The following NRG1 variants were observed in gnomAD, a reference collection of about 807,000 sequenced individuals.
The protein encoded by NRG1 is pro-neuregulin-1, membrane-bound isoform.
Under a neutral mutation model 63.8 loss-of-function variants are expected in NRG1, and 18 were observed. The observed-to-expected ratio is 0.28, with a 90% CI of 0.19 to 0.42. The LOEUF is 0.42. NRG1 is among the 10% of genes least tolerant of loss of function. The pLI is 1.00. For missense variants in NRG1, 762 were observed against 814.7 expected, an observed-to-expected ratio of 0.94 and a Z score of 0.79; for synonymous variants, 302 against 301.3, an observed-to-expected ratio of 1.00 and a Z score of -0.02.
At chr8:32,137,233 G>A (rs1201709730) in intron 1 of NRG1, among the ~76,000 whole-genome samples, 1 of 152,100 alleles carries the variant, frequency 6.6e-6, no homozygotes, top group Non-Finnish European at 1.5e-5. Flanking sequence ...ATCATTTGAG[G>A]TCACGAGTTC....
chr8:31,967,660 G>T (rs182888298), intron 1 of NRG1, among the ~76,000 whole-genome samples: 2 of 152,318 alleles, frequency 1.3e-5, no homozygotes, highest in Admixed American at 1.3e-4. Flanking sequence ...GAACCAGGCA[G>T]CAGTTCTGTG....
chr8:31,854,210 T>C (rs1207235384), intron 1 of NRG1, among the ~76,000 whole-genome samples: 3 of 151,576 alleles, frequency 2.0e-5, no homozygotes, highest in Non-Finnish European at 4.4e-5. Context: ...CTTGTACCTC[T>C]GGTAGAATTC....
intron 1 of NRG1, among the ~76,000 whole-genome samples, chr8:32,204,913 A>T (rs149319569): frequency 6.6e-6 from 1 of 152,334 alleles, no homozygotes; most frequent in East Asian, 1.9e-4. Context: ...TATCTATAGC[A>T]ATGATCACCA....
intron 7 of NRG1, among the ~76,000 whole-genome samples, chr8:32,753,754 A>G (rs1338925771): frequency 6.6e-6 from 1 of 152,206 alleles, no homozygotes; most frequent in Non-Finnish European, 1.5e-5. Flanking sequence ...GACTCAATTT[A>G]CTAGTTAACT....
intron 1 of NRG1, among the ~76,000 whole-genome samples, chr8:32,004,657 G>A (rs1813462958): frequency 6.6e-6 from 1 of 151,842 alleles, no homozygotes; most frequent in South Asian, 2.1e-4. Context: ...AGGAAAATAT[G>A]GGAAGTATGG....
At chr8:31,678,959 T>G (rs990301827) in intron 1 of NRG1, among the ~76,000 whole-genome samples, 1 of 151,932 alleles carries the variant, frequency 6.6e-6, no homozygotes, top group African/African-American at 2.4e-5. Context: ...TTAAGCTTTA[T>G]TGCTTTTATT....
intron 1 of NRG1, among the ~76,000 whole-genome samples, chr8:32,072,793 C>A (rs1825942664): frequency 6.6e-6 from 1 of 152,058 alleles, no homozygotes. Flanking sequence ...TTCTGAGAAA[C>A]CAGGAGTTTA....
intron 1 of NRG1, among the ~76,000 whole-genome samples, chr8:32,578,407 T>C (rs978700121): frequency 1.5e-4 from 23 of 152,320 alleles, no homozygotes; most frequent in Admixed American, 1.3e-4. Flanking sequence ...CATATGTCTA[T>C]TGAGGTCTGA....
intron 1 of NRG1, among the ~76,000 whole-genome samples, chr8:31,951,045 C>T (rs964668352): frequency 1.3e-5 from 2 of 152,148 alleles, no homozygotes; most frequent in African/African-American, 4.8e-5. Context: ...ACTTCATGGT[C>T]ATATTTCGCT....
At chr8:31,903,633 A>G (rs1283866803) in intron 1 of NRG1, among the ~76,000 whole-genome samples, 1 of 152,148 alleles carries the variant, frequency 6.6e-6, no homozygotes, top group Non-Finnish European at 1.5e-5. Flanking sequence ...TCATATCTAA[A>G]TTTATACTGG....
At chr8:32,008,270 C>T (rs1814116304) in intron 1 of NRG1, among the ~76,000 whole-genome samples, 1 of 151,872 alleles carries the variant, frequency 6.6e-6, no homozygotes, top group Non-Finnish European at 1.5e-5. Flanking sequence ...CTAGTTTGAA[C>T]TCAGACTTTC....
chr8:32,760,231 TC>T lies in NRG1; in HGVS notation c.1086del (p.Glu363LysfsTer5). On this transcript the variant is annotated frameshift_variant, in exon 11 of 12. Transcript: ENST00000356819. LOFTEE classifies it high-confidence loss of function. ...CAACGGACACACTGAAAGCATCCTT[TC>T]CGAAAGCCACTCTGTAATCGTGATG... The T allele has an allele frequency of 6.2e-7, 1 of 1,614,042 alleles. No individual in the cohort carries two copies. Among genetic ancestry groups the T allele is most frequent in the Non-Finnish European group, 8.5e-7 (1 of 1,179,944 alleles).
intron 1 of NRG1, among the ~76,000 whole-genome samples, chr8:32,167,308 T>G (rs1294810368): frequency 6.6e-6 from 1 of 152,154 alleles, no homozygotes; most frequent in Non-Finnish European, 1.5e-5. Flanking sequence ...TAAATCAGAA[T>G]GTAAGAGCCA....
chr8:32,229,579 A>C (rs886412695), intron 1 of NRG1, among the ~76,000 whole-genome samples: 1 of 152,166 alleles, frequency 6.6e-6, no homozygotes, highest in Non-Finnish European at 1.5e-5. Context: ...GCCAGGTTCT[A>C]AAATCTCTCT....
chr8:31,910,148 C>A (rs553602031), intron 1 of NRG1, among the ~76,000 whole-genome samples: 3 of 152,166 alleles, frequency 2.0e-5, no homozygotes, highest in Admixed American at 6.5e-5. Flanking sequence ...ATTTAAGCTG[C>A]GAGCTAAAGG....
Position 32,690,717 on chromosome 8 carries a change from G to GT in NRG1, c.503-37221dup, listed in dbSNP as rs997741461. On this transcript the variant is annotated intron_variant, in intron 5 of 11. Transcript: ENST00000356819. ...AGAAAGCAATAAAGATACACACATA[G>GT]TTTTTTTTTTTCTTTTGAATATCAA... Among the ~76,000 whole-genome samples, 290 of 147,588 alleles carry GT rather than the reference G, an allele frequency of 2.0e-3. 1 individual carries two copies. Among genetic ancestry groups the GT allele is most frequent in the African/African-American group, 5.2e-3 (209 of 40,530 alleles).
At chr8:31,772,978 C>T (rs1818776983) in intron 1 of NRG1, among the ~76,000 whole-genome samples, 1 of 152,078 alleles carries the variant, frequency 6.6e-6, no homozygotes, top group South Asian at 2.1e-4. Context: ...AGAGTTTTGC[C>T]CAAAAAGCAG....
intron 1 of NRG1, among the ~76,000 whole-genome samples, chr8:32,357,797 G>T (rs1360833554): frequency 6.6e-6 from 1 of 152,214 alleles, no homozygotes; most frequent in Non-Finnish European, 1.5e-5. Flanking sequence ...AAATTTATAA[G>T]ACACTGTCTT....
chr8:32,195,409 A>T (rs1188983100), intron 1 of NRG1, among the ~76,000 whole-genome samples: 1 of 149,456 alleles, frequency 6.7e-6, no homozygotes, highest in African/African-American at 2.5e-5. Flanking sequence ...ACTGCAGTCC[A>T]GCCTAGGTGA....
Sources: allele counts gnomAD v4.1 joint callset (sites outside exome capture counted in the v4.1 genomes callset), GRCh38; gene constraint gnomAD v4.1.1; transcripts MANE v1.5; gene names NCBI Gene and HGNC (gene_info 2026-07-23, HGNC 2026-07-21).